Variants in TYW1B observed in about 807,000 individuals in gnomAD.
TYW1B encodes tRNA-yW synthesizing protein 1 homolog B.
TYW1B carries 73 observed loss-of-function variants against 86.9 expected under a neutral mutation model. That is an observed-to-expected ratio of 0.84 (90% CI 0.70 to 1.02). TYW1B has a LOEUF of 1.02. TYW1B is among the 50% of genes least tolerant of loss of function. The pLI is 0.00. For synonymous variants in TYW1B, 248 were observed against 292.8 expected, an observed-to-expected ratio of 0.85 and a Z score of 1.56; for missense variants, 637 against 827.4, an observed-to-expected ratio of 0.77 and a Z score of 2.82.
chr7:72,819,956 G>A (rs1158252118), intron 2 of TYW1B, among the ~76,000 whole-genome samples: 1 of 152,016 alleles, frequency 6.6e-6, no homozygotes, highest in Non-Finnish European at 1.5e-5. Flanking sequence ...AAGAGATTGG[G>A]GCCTATATTG....
chr7:72,663,153 G>C (rs1813374899), intron 11 of TYW1B, among the ~76,000 whole-genome samples: 1 of 151,252 alleles, frequency 6.6e-6, no homozygotes, highest in Non-Finnish European at 1.5e-5. Flanking sequence ...CTTGGTAATG[G>C]GGTAAAATGC....
intron 13 of TYW1B, among the ~76,000 whole-genome samples, chr7:72,598,456 C>A (rs1243105918): frequency 6.6e-6 from 1 of 152,044 alleles, no homozygotes; most frequent in East Asian, 1.9e-4. Context: ...ACAACAAAAT[C>A]CAAAATATGC....
intron 2 of TYW1B, chr7:72,823,233 T>G (rs1788864568): frequency 6.6e-6 from 1 of 151,892 alleles, no homozygotes; most frequent in Non-Finnish European, 1.5e-5. Flanking sequence ...GGTCTTGAAC[T>G]CCTGGCCTCA....
Position 72,746,064 on chromosome 7 carries a change from A to G in TYW1B, c.965-1463T>C, listed in dbSNP as rs183634137. On this transcript the variant is annotated intron_variant, in intron 7 of 13. Transcript: ENST00000620995. The stretch of plus-strand genomic sequence containing the variant: ...TTTTTTGTAGATACAGGGTTTTGCC[A>G]TATTGGTCAGGCTGGTCTTGAACTC... Among the ~76,000 whole-genome samples, 337 of 152,138 alleles carry G rather than the reference A, an allele frequency of 2.2e-3. 1 individual carries two copies. The highest frequency in any genetic ancestry group is 7.8e-3 in the African/African-American group (324 of 41,510).
rs1333288046 is a variant in TYW1B, at chr7:72,748,865, T to C, written c.965-4264A>G. Among the ~76,000 whole-genome samples, 2 of 152,144 alleles carry C rather than the reference T, an allele frequency of 1.3e-5. 1 individual carries two copies. Among genetic ancestry groups the C allele is most frequent in the Non-Finnish European group, 2.9e-5 (2 of 68,024 alleles). On this transcript the variant is annotated intron_variant, in intron 7 of 13. Transcript: ENST00000620995. ...CTTGTTGAGGATTTCTACATCTAAA[T>C]TCCTGAGAGATTAGTCTTTAGTCCT...
chr7:72,623,755 T>C (rs1319379692), intron 12 of TYW1B, among the ~76,000 whole-genome samples: 4 of 152,172 alleles, frequency 2.6e-5, no homozygotes, highest in African/African-American at 9.7e-5. Flanking sequence ...TGCTAGTTCT[T>C]ATCAAATGTT....
At chr7:72,594,023 G>A (rs1811468313) in intron 13 of TYW1B, among the ~76,000 whole-genome samples, 1 of 151,796 alleles carries the variant, frequency 6.6e-6, no homozygotes, top group Non-Finnish European at 1.5e-5. Flanking sequence ...TGAAAGCAAT[G>A]CTAAGGTAAA....
intron 13 of TYW1B, among the ~76,000 whole-genome samples, chr7:72,613,985 T>C (rs1348533367): frequency 8.0e-6 from 1 of 124,754 alleles, no homozygotes; most frequent in Non-Finnish European, 1.6e-5. Flanking sequence ...GAAAAGACGA[T>C]GTGTGCACAT....
intron 13 of TYW1B, among the ~76,000 whole-genome samples, chr7:72,598,939 C>T (rs1484995396): frequency 1.3e-5 from 2 of 152,272 alleles, no homozygotes; most frequent in East Asian, 3.9e-4. Context: ...GGTGGGTTCA[C>T]TGGTGAATCC....
intron 12 of TYW1B, among the ~76,000 whole-genome samples, chr7:72,618,838 G>A (rs1303444886): frequency 6.6e-6 from 1 of 152,158 alleles, no homozygotes; most frequent in African/African-American, 2.4e-5. Flanking sequence ...TTGCAGGATG[G>A]CAGTGTAAGA....
At chr7:72,617,612 C>A (rs538984718) in intron 12 of TYW1B, among the ~76,000 whole-genome samples, 1 of 152,316 alleles carries the variant, frequency 6.6e-6, no homozygotes, top group South Asian at 2.1e-4. Context: ...AGCAATCTAC[C>A]TGCCCCGGCC....
chr7:72,588,994 G>A (rs1483578548), intron 13 of TYW1B, among the ~76,000 whole-genome samples: 1 of 152,046 alleles, frequency 6.6e-6, no homozygotes, highest in Non-Finnish European at 1.5e-5. Context: ...TATATTTTCA[G>A]TAAAGATGGG....
At chr7:72,724,903 G>A (rs533573634) in intron 9 of TYW1B, among the ~76,000 whole-genome samples, 10 of 152,208 alleles carry the variant, frequency 6.6e-5, no homozygotes, top group Non-Finnish European at 1.0e-4. Context: ...ATCCATAGAC[G>A]TGCTCTATTC....
chr7:72,647,498 T>C (rs1554442195), intron 11 of TYW1B, among the ~76,000 whole-genome samples: 1 of 152,194 alleles, frequency 6.6e-6, no homozygotes, highest in Non-Finnish European at 1.5e-5. Context: ...ATTTATGATA[T>C]CACCCTTTAG....
At chr7:72,582,462 T>C (rs1177733669) in intron 13 of TYW1B, among the ~76,000 whole-genome samples, 4 of 152,196 alleles carry the variant, frequency 2.6e-5, no homozygotes, top group East Asian at 1.9e-4. Flanking sequence ...AAGAATTCTA[T>C]ATCCAAATCA....
chr7:72,676,600 C>T (rs34368232), intron 11 of TYW1B, among the ~76,000 whole-genome samples: 3 of 151,944 alleles, frequency 2.0e-5, no homozygotes, highest in African/African-American at 7.3e-5. Context: ...GGAGTGAGCA[C>T]ATGCTTTATT....
chr7:72,652,302 C>T (rs1445835009), intron 11 of TYW1B, among the ~76,000 whole-genome samples: 6 of 133,346 alleles, frequency 4.5e-5, no homozygotes, highest in Non-Finnish European at 9.4e-5. Context: ...GGCATGAACC[C>T]GGGAGGCACA....
intron 5 of TYW1B, 108 bp downstream of exon 5, chr7:72,806,958 T>C (rs192921147): frequency 0.011 from 15,622 of 1,442,900 alleles, 122 homozygotes; most frequent in Non-Finnish European, 0.013. Context: ...CAGCCAGATC[T>C]TCCTTCTAAC....
intron 12 of TYW1B, among the ~76,000 whole-genome samples, chr7:72,617,305 T>C (rs1554437115): frequency 6.6e-6 from 1 of 152,148 alleles, no homozygotes; most frequent in Non-Finnish European, 1.5e-5. Context: ...TCTAGTATAA[T>C]TGAGATTGAA....
Sources: allele counts gnomAD v4.1 joint callset (sites outside exome capture counted in the v4.1 genomes callset), GRCh38; gene constraint gnomAD v4.1.1; transcripts MANE v1.5; gene names NCBI Gene and HGNC (gene_info 2026-07-23, HGNC 2026-07-21).